Variants in CDH23 observed in about 807,000 individuals in gnomAD.
The protein encoded by CDH23 is cadherin-23.
A neutral mutation model predicts 317.1 loss-of-function variants in CDH23; 189 were observed. The observed-to-expected ratio is 0.60, with a 90% CI of 0.53 to 0.67. The LOEUF (loss-of-function observed/expected upper bound fraction) is 0.67, where lower values mean the gene tolerates loss of function less well. Ranked by LOEUF, CDH23 falls within the 30% of genes least tolerant of loss-of-function variation. The pLI is 0.00. For synonymous variants in CDH23, 1,839 were observed against 1,876.8 expected (o/e 0.98, Z 0.52); for missense variants, 4,401 against 4,592.4 (o/e 0.96, Z 1.20).
At chr10:71,687,585 G>C in intron 18 of CDH23, 62 bp from the exon 19 acceptor site, 1 of 1,487,304 alleles carries the variant, frequency 6.7e-7, no homozygotes, top group East Asian at 2.3e-5. Context: ...GCCCACCTTA[G>C]ACATCTGGCC....
intron 27 of CDH23, among the ~76,000 whole-genome samples, chr10:71,711,446 G>T (rs1203103592): frequency 6.6e-6 from 1 of 152,102 alleles, no homozygotes; most frequent in African/African-American, 2.4e-5. Flanking sequence ...ACCCCCTGGG[G>T]TGACCACTCT....
chr10:71,613,682 T>C (rs1182727132), intron 9 of CDH23, among the ~76,000 whole-genome samples: 1 of 152,220 alleles, frequency 6.6e-6, no homozygotes, highest in Non-Finnish European at 1.5e-5. Flanking sequence ...CCTTGACTTT[T>C]TCCCTAGTTA....
chr10:71,641,677 T>A (rs998950491), intron 11 of CDH23, among the ~76,000 whole-genome samples: 1 of 152,182 alleles, frequency 6.6e-6, no homozygotes, highest in Non-Finnish European at 1.5e-5. Context: ...GGGAGCAATC[T>A]GCAGGTGATT....
chr10:71,499,765 C>T (rs774964700), intron 3 of CDH23, among the ~76,000 whole-genome samples: 18 of 148,984 alleles, frequency 1.2e-4, no homozygotes, highest in South Asian at 2.2e-4. Flanking sequence ...CTTGACCCCA[C>T]GACGCAGAGG....
chr10:71,658,478 C>T (rs1292461596), intron 14 of CDH23, among the ~76,000 whole-genome samples: 2 of 152,228 alleles, frequency 1.3e-5, no homozygotes, highest in African/African-American at 4.8e-5. Flanking sequence ...CTGCCTGTCC[C>T]GCCTTTGAAG....
At chr10:71,459,173 G>A (rs533619000) in intron 3 of CDH23, among the ~76,000 whole-genome samples, 133 of 133,680 alleles carry the variant, frequency 9.9e-4, no homozygotes, top group African/African-American at 3.3e-3. Context: ...CTGCAACCTC[G>A]ACCTCCTGGG....
At position 71,617,283 on chromosome 10, in the gene CDH23, A is replaced by G. The variant is rs767875585; in HGVS notation, c.1024A>G (p.Asn342Asp). 7 of 1,613,850 alleles carry G rather than the reference A, an allele frequency of 4.3e-6. No homozygotes were observed. The Admixed American group carries it at 5.0e-5, about 12-fold the overall frequency. ...TTFNILVIDI[N>D]DNAPEFNSSE... Reference sequence around the variant, plus strand: ...CTTCAATATCCTGGTTATTGACATCAATGACAATGCCCCGGAGTTCAACAG... The same window carrying G: ...CTTCAATATCCTGGTTATTGACATCGATGACAATGCCCCGGAGTTCAACAG... The change falls in exon 11 of 70, where the codon AAT becomes GAT. Residue 342 changes from asparagine to aspartate, a missense_variant. Asn to Asp is a conservative substitution (Grantham distance 23). This residue lies in a region of CDH23 where 3,068 missense variants were observed against 3,203.3 expected (regional missense o/e 0.96). Transcript: ENST00000224721.
At chr10:71,438,160 G>C (rs189256115) in intron 1 of CDH23, among the ~76,000 whole-genome samples, 2 of 151,970 alleles carry the variant, frequency 1.3e-5, no homozygotes, top group African/African-American at 4.8e-5. Flanking sequence ...GACCAACATG[G>C]TGAAACCCCA....
intron 38 of CDH23, chr10:71,748,798 C>CA (rs1316468065): frequency 6.5e-6 from 1 of 152,806 alleles, no homozygotes; most frequent in African/African-American, 2.4e-5. Flanking sequence ...CCGGGCAACT[C>CA]AGAGGGCGGC....
intron 28 of CDH23, among the ~76,000 whole-genome samples, chr10:71,723,729 C>T (rs772491955): frequency 6.6e-6 from 1 of 152,164 alleles, no homozygotes; most frequent in Non-Finnish European, 1.5e-5. Flanking sequence ...ATGGAACAGC[C>T]TGAGAAAGCC....
chr10:71,449,922 T>C (rs546022393), intron 3 of CDH23, among the ~76,000 whole-genome samples: 1 of 152,360 alleles, frequency 6.6e-6, no homozygotes, highest in African/African-American at 2.4e-5. Flanking sequence ...CTGTGTAATG[T>C]TCTTTTTGAA....
Position 71,397,276 on chromosome 10 carries a change from C to CCGAGA in CDH23, c.-44_-43insACGAG, listed in dbSNP as rs1847561203. On this transcript the variant is annotated 5_prime_UTR_variant, in exon 1 of 70. Transcript: ENST00000224721. This position sits in a 1 kb window ranked among gnomAD's most constrained non-coding sequence, Gnocchi z 4.8. ...GGGCCGATCCGGCGGAGAGCAGAGCCCGAGGCGAGGCGAGGCGCGGCGCCG... is the reference window on the plus strand; with the variant it reads ...GGGCCGATCCGGCGGAGAGCAGAGCCCGAGACGAGGCGAGGCGAGGCGCGGCGCCG... 1 of 172,820 alleles carries CCGAGA rather than the reference C, an allele frequency of 5.8e-6. No individual in the cohort carries two copies. The highest frequency in any genetic ancestry group is 1.2e-5 in the Non-Finnish European group (1 of 80,118). 10.7% of individuals were successfully genotyped at this position (172,820 alleles called of 1,614,324 possible).
chr10:71,416,040 T>C (rs1358797323), intron 1 of CDH23, among the ~76,000 whole-genome samples: 1 of 152,232 alleles, frequency 6.6e-6, no homozygotes, highest in Non-Finnish European at 1.5e-5. Flanking sequence ...TTGGTGTCCT[T>C]ACTGATTTGT....
intron 14 of CDH23, among the ~76,000 whole-genome samples, chr10:71,670,361 G>A (rs1864094746): frequency 6.6e-6 from 1 of 152,152 alleles, no homozygotes. Flanking sequence ...CCCTGTATGG[G>A]GGTACTACAT....
chr10:71,600,109 T>C (rs1194367408), intron 9 of CDH23, among the ~76,000 whole-genome samples: 1 of 140,474 alleles, frequency 7.1e-6, no homozygotes, highest in Admixed American at 7.7e-5. Context: ...TTCAAGCAAA[T>C]CTCCTGCCTC....
intron 9 of CDH23, among the ~76,000 whole-genome samples, chr10:71,611,060 G>GCCCCCCGC (rs1564686480): frequency 6.8e-5 from 10 of 147,680 alleles, no homozygotes; most frequent in African/African-American, 1.8e-4. Flanking sequence ...CCTGGTGAGC[G>GCCCCCCGC]CCCCCAGCCC....
Position 71,707,338 on chromosome 10 carries a change from C to T in CDH23, c.3106+289C>T, listed in dbSNP as rs923793682. ...TTCATTCTAGAGGGAGGTAAGGCCC[C>T]ATGATTCCTAGGGAGGAGCCCTGAG... On this transcript the variant is annotated intron_variant, in intron 26 of 69. Transcript: ENST00000224721. 3.5e-6 allele frequency: 5 copies of T among 1,411,474 alleles called. No individual in the cohort carries two copies. In the African/African-American group the frequency reaches 5.8e-5, roughly 16 times the overall value. 87.4% of individuals were successfully genotyped at this position (1,411,474 alleles called of 1,614,324 possible).
chr10:71,607,196 G>A (rs1175711898), intron 9 of CDH23, among the ~76,000 whole-genome samples: 3 of 152,242 alleles, frequency 2.0e-5, no homozygotes, highest in Non-Finnish European at 1.5e-5. Context: ...CGATGGGCCT[G>A]CAAGCCAGCC....
chr10:71,638,544 A>T (rs1862383536), intron 11 of CDH23, among the ~76,000 whole-genome samples: 1 of 152,220 alleles, frequency 6.6e-6, no homozygotes, highest in South Asian at 2.1e-4. Flanking sequence ...TGACCAAGGG[A>T]AGCCATGCTT....
Sources: gnomAD v4.1 joint callset for allele counts (sites outside exome capture counted in the v4.1 genomes callset) on GRCh38, gnomAD v4.1.1 for gene constraint, gnomAD v4.1.1 regional missense constraint, Gnocchi (gnomAD v3.1) non-coding constraint, MANE v1.5 for transcripts, NCBI Gene and HGNC (gene_info 2026-07-23, HGNC 2026-07-21) for gene names.